The following TASP1 variants were observed in gnomAD, a reference collection of about 807,000 sequenced individuals.
TASP1 encodes the protein taspase 1.
Under a neutral mutation model 56.6 loss-of-function variants are expected in TASP1, and 16 were observed. That is an observed-to-expected ratio of 0.28 (90% confidence interval 0.19 to 0.43). TASP1 has a LOEUF of 0.43. Ranked by LOEUF, TASP1 falls within the 20% of genes least tolerant of loss-of-function variation. The probability of loss-of-function intolerance (pLI) is 1.00; values close to 1 mark genes in which losing one functional copy is unlikely to be tolerated. For synonymous variants in TASP1, 179 were observed against 184.2 expected, an observed-to-expected ratio of 0.97 and a Z score of 0.23; for missense variants, 393 against 511.6, an observed-to-expected ratio of 0.77 and a Z score of 2.24.
chr20:13,224,017 G>A, the TASP1 span, among the ~76,000 whole-genome samples: 2 of 152,040 alleles, frequency 1.3e-5, no homozygotes, highest in Admixed American at 6.5e-5. Context: ...GAAGTGGACT[G>A]AATTCTCAAA....
the TASP1 span, among the ~76,000 whole-genome samples, chr20:13,351,191 C>T: frequency 6.6e-6 from 1 of 152,152 alleles, no homozygotes; most frequent in Non-Finnish European, 1.5e-5. Flanking sequence ...TTTTGACAAA[C>T]ATGCAGAGCT....
intron 12 of TASP1, among the ~76,000 whole-genome samples, chr20:13,425,829 AT>A (rs2042600541): frequency 6.6e-6 from 1 of 152,148 alleles, no homozygotes; most frequent in Non-Finnish European, 1.5e-5. Context: ...GAAAAAAAAA[AT>A]GCAAAGACGC....
At chr20:13,168,069 A>G in the TASP1 span, 1 of 152,168 alleles carries the variant, frequency 6.6e-6, no homozygotes, top group Non-Finnish European at 1.5e-5. Context: ...TCCAATATTG[A>G]AGAACCATCT....
the TASP1 span, among the ~76,000 whole-genome samples, chr20:13,342,383 TACAAGA>T: frequency 6.6e-6 from 1 of 152,206 alleles, no homozygotes; most frequent in Admixed American, 6.5e-5. Flanking sequence ...TAAGATGAGC[TACAAGA>T]GAGCATTGCT....
At chr20:13,581,908 C>T (rs1170853885) in intron 5 of TASP1, among the ~76,000 whole-genome samples, 4 of 152,110 alleles carry the variant, frequency 2.6e-5, no homozygotes, top group Non-Finnish European at 4.4e-5. Context: ...ATGATCACAG[C>T]GCTGAGTTTT....
At chr20:13,633,537 A>G (rs1199245955) in intron 1 of TASP1, among the ~76,000 whole-genome samples, 1 of 152,204 alleles carries the variant, frequency 6.6e-6, no homozygotes, top group East Asian at 1.9e-4. Context: ...TGGGATGCAT[A>G]AGCTACAGGG....
At chr20:13,326,349 G>T in the TASP1 span, among the ~76,000 whole-genome samples, 33 of 152,230 alleles carry the variant, frequency 2.2e-4, no homozygotes, top group Admixed American at 2.0e-3. Flanking sequence ...GGACCGTTGG[G>T]TCATGTAGTA....
chr20:13,360,838 C>A, the TASP1 span, among the ~76,000 whole-genome samples: 2 of 152,196 alleles, frequency 1.3e-5, no homozygotes, highest in Admixed American at 1.3e-4. Flanking sequence ...CCACACCTGA[C>A]CCCCATGACT....
chr20:13,274,816 G>A, the TASP1 span, among the ~76,000 whole-genome samples: 11 of 152,212 alleles, frequency 7.2e-5, no homozygotes, highest in East Asian at 1.9e-4. Context: ...TCTATTTTAA[G>A]ACTGGCTTCA....
the TASP1 span, among the ~76,000 whole-genome samples, chr20:13,334,096 T>A: frequency 6.6e-6 from 1 of 152,160 alleles, no homozygotes; most frequent in Non-Finnish European, 1.5e-5. Flanking sequence ...GGAGAGTACA[T>A]CATGGGAATT....
chr20:13,232,394 A>C, the TASP1 span, among the ~76,000 whole-genome samples: 1 of 152,236 alleles, frequency 6.6e-6, no homozygotes. Context: ...ATATAAGTGG[A>C]ATACAGAATG....
chr20:13,594,245 G>C (rs772290037), intron 4 of TASP1, among the ~76,000 whole-genome samples: 1 of 152,096 alleles, frequency 6.6e-6, no homozygotes, highest in South Asian at 2.1e-4. Flanking sequence ...AAAGACAAAA[G>C]GTAGATAAAA....
At chr20:13,191,718 C>A in the TASP1 span, among the ~76,000 whole-genome samples, 12 of 152,026 alleles carry the variant, frequency 7.9e-5, no homozygotes, top group African/African-American at 2.7e-4. Flanking sequence ...TTGTATATTT[C>A]AAAACAGCTA....
At chr20:13,273,213 C>CTTTTT in the TASP1 span, among the ~76,000 whole-genome samples, 1 of 42,724 alleles carries the variant, frequency 2.3e-5, no homozygotes, top group African/African-American at 2.4e-4. Flanking sequence ...TCACTTGGGT[C>CTTTTT]TTTTTTATTT....
chr20:13,308,186 A>C, the TASP1 span, among the ~76,000 whole-genome samples: 17 of 152,312 alleles, frequency 1.1e-4, no homozygotes, highest in South Asian at 2.1e-4. Context: ...CTGGGGACAC[A>C]AAAAGGAATA....
chr20:13,442,293 G>GACACACACAC (rs35295009), intron 11 of TASP1, among the ~76,000 whole-genome samples: 1 of 147,770 alleles, frequency 6.8e-6, no homozygotes, highest in South Asian at 2.1e-4. Context: ...CACAGACACA[G>GACACACACAC]ACACACACAC....
At chr20:13,567,189 G>T (rs1416206934) in intron 7 of TASP1, among the ~76,000 whole-genome samples, 1 of 151,976 alleles carries the variant, frequency 6.6e-6, no homozygotes, top group Non-Finnish European at 1.5e-5. Flanking sequence ...AATACCGCAT[G>T]CTCTCACTTA....
chr20:13,372,012 T>C, the TASP1 span, among the ~76,000 whole-genome samples: 1 of 152,252 alleles, frequency 6.6e-6, no homozygotes, highest in Admixed American at 6.5e-5. Context: ...TCCACCTTTT[T>C]ACATTCAACT....
At chr20:13,124,835 G>C in the TASP1 span, among the ~76,000 whole-genome samples, 1 of 152,212 alleles carries the variant, frequency 6.6e-6, no homozygotes, top group Non-Finnish European at 1.5e-5. Flanking sequence ...AAGTGGGAAT[G>C]AATGTGACTA....
Sources: gnomAD v4.1 joint callset for allele counts (sites outside exome capture counted in the v4.1 genomes callset) on GRCh38, gnomAD v4.1.1 for gene constraint, MANE v1.5 for transcripts, NCBI Gene and HGNC (gene_info 2026-07-23, HGNC 2026-07-21) for gene names.